ETF1: variants seen among roughly 807,000 people sequenced by gnomAD.
ETF1 encodes eukaryotic translation termination factor 1, also known as eukaryotic peptide chain release factor subunit 1.
In ETF1, 4 loss-of-function variants were observed where a neutral mutation model predicts 55.1. The observed-to-expected ratio is 0.07, with a 90% CI of 0.04 to 0.17. ETF1 has a LOEUF of 0.17. Among genes scored for constraint, ETF1 ranks in the 10% least tolerant of loss-of-function variants. ETF1 has a pLI of 1.00. For missense variants in ETF1, 142 were observed against 523.6 expected (o/e 0.27, Z 7.11); for synonymous variants, 157 against 182.3 (o/e 0.86, Z 1.12).
intron 2 of ETF1, among the ~76,000 whole-genome samples, chr5:138,535,409 C>T (rs1765878865): frequency 6.6e-6 from 1 of 150,838 alleles, no homozygotes; most frequent in African/African-American, 2.4e-5. Flanking sequence ...CGGCTCACTG[C>T]AACCTCCTTT....
rs1766187237 is a variant in ETF1, at chr5:138,541,772, G to A, written c.86+1061C>T. On this transcript the variant is annotated intron_variant, in intron 2 of 10. Transcript: ENST00000360541. ...GTTCCAAACACTTTTTTTTGGGGGG[G>A]GGGGCACTTCCTGTAAGTAAAAAGT... is the stretch of plus-strand genomic sequence containing the variant. The A allele has an allele frequency of 1.1e-5, 4 of 358,696 alleles. No individual in the cohort carries two copies. In the Admixed American group the frequency reaches 2.2e-4, roughly 20 times the overall value. 22.2% of individuals were successfully genotyped at this position (358,696 alleles called of 1,614,324 possible). A position where few individuals can be genotyped will look rare whatever the true frequency, so the allele number is the denominator to read the frequency against.
intron 6 of ETF1, among the ~76,000 whole-genome samples, chr5:138,512,175 G>T (rs1271937536): frequency 9.9e-6 from 1 of 100,952 alleles, no homozygotes; most frequent in Non-Finnish European, 1.8e-5. Context: ...TCCAGCCTAG[G>T]CAAGATAGCC....
chr5:138,530,254 A>G (rs1765642682), intron 2 of ETF1, among the ~76,000 whole-genome samples: 1 of 152,150 alleles, frequency 6.6e-6, no homozygotes, highest in South Asian at 2.1e-4. Flanking sequence ...ATTTTGGTTG[A>G]GACAGTCTCA....
At chr5:138,527,508 T>A (rs1328096783) in intron 2 of ETF1, among the ~76,000 whole-genome samples, 1 of 152,104 alleles carries the variant, frequency 6.6e-6, no homozygotes. Flanking sequence ...CCTTCTGGAG[T>A]TATGTCAAAC....
Position 138,543,234 on chromosome 5 carries a change from G to A in ETF1, c.-156C>T. 1 of 432,156 alleles carries A rather than the reference G, an allele frequency of 2.3e-6. No homozygotes were observed. The highest frequency in any genetic ancestry group is 4.1e-6 in the Non-Finnish European group (1 of 243,186). 26.8% of individuals were successfully genotyped at this position (432,156 alleles called of 1,614,324 possible). On this transcript the variant is annotated 5_prime_UTR_variant, in exon 1 of 11. Transcript: ENST00000360541. The stretch of plus-strand genomic sequence containing the variant: ...TGCAATCCGCTCACATGGGGCCTGT[G>A]ACATCACTTCCTCCGCCAGGGGCGG...
Position 138,508,166 on chromosome 5 carries a change from C to T in ETF1, c.*139G>A. 2 of 1,102,800 alleles carry T rather than the reference C, an allele frequency of 1.8e-6. No individual in the cohort carries two copies. Among genetic ancestry groups the T allele is most frequent in the Non-Finnish European group, 2.5e-6 (2 of 796,002 alleles). 68.3% of individuals were successfully genotyped at this position (1,102,800 alleles called of 1,614,324 possible). On this transcript the variant is annotated 3_prime_UTR_variant, in exon 11 of 11. Transcript: ENST00000360541. ...TCTGGTTTTGTTTCGGTTTTCTTTT[C>T]AATATCCAATGCTCATGGATTAAGT...
chr5:138,525,377 C>T (rs561182296), intron 2 of ETF1, among the ~76,000 whole-genome samples: 3 of 151,030 alleles, frequency 2.0e-5, no homozygotes, highest in African/African-American at 7.3e-5. Flanking sequence ...AGGCTGGTCT[C>T]GAACTCCTGA....
intron 2 of ETF1, among the ~76,000 whole-genome samples, chr5:138,538,612 G>T (rs1766047264): frequency 6.6e-6 from 1 of 151,772 alleles, no homozygotes; most frequent in Non-Finnish European, 1.5e-5. Flanking sequence ...TCAGGTATTT[G>T]TATCAAAGAC....
chr5:138,527,295 T>C (rs1765514203), intron 2 of ETF1, among the ~76,000 whole-genome samples: 1 of 152,164 alleles, frequency 6.6e-6, no homozygotes, highest in African/African-American at 2.4e-5. Context: ...TTCTGTGCTA[T>C]TTTCCCCAAT....
intron 2 of ETF1, among the ~76,000 whole-genome samples, chr5:138,536,843 A>G (rs566144974): frequency 6.6e-6 from 1 of 152,320 alleles, no homozygotes; most frequent in South Asian, 2.1e-4. Context: ...TCTCAAGTTC[A>G]AAGAAAACGA....
chr5:138,540,119 C>T (rs979194404), intron 2 of ETF1, among the ~76,000 whole-genome samples: 1 of 152,136 alleles, frequency 6.6e-6, no homozygotes, highest in Admixed American at 6.5e-5. Flanking sequence ...CAAGAGATAA[C>T]CACATAGGAT....
At chr5:138,533,408 C>A (rs1300441982) in intron 2 of ETF1, among the ~76,000 whole-genome samples, 2 of 152,044 alleles carry the variant, frequency 1.3e-5, no homozygotes, top group Non-Finnish European at 2.9e-5. Flanking sequence ...AAAAATCTGG[C>A]CGGGCACAGT....
intron 2 of ETF1, among the ~76,000 whole-genome samples, chr5:138,534,281 T>C (rs966087851): frequency 4.6e-5 from 7 of 152,198 alleles, no homozygotes; most frequent in Non-Finnish European, 8.8e-5. Context: ...TGTACACTTT[T>C]TCTACAATGA....
At chr5:138,540,481 C>G (rs921979365) in intron 2 of ETF1, among the ~76,000 whole-genome samples, 2 of 152,138 alleles carry the variant, frequency 1.3e-5, no homozygotes, top group African/African-American at 4.8e-5. Context: ...CTATGAAAAT[C>G]TAGAGTCTGA....
chr5:138,514,262 T>C (rs1367981541), intron 4 of ETF1, among the ~76,000 whole-genome samples: 4 of 152,130 alleles, frequency 2.6e-5, no homozygotes, highest in Non-Finnish European at 5.9e-5. Context: ...TTTTATAATA[T>C]AGAGTTCTAA....
intron 2 of ETF1, among the ~76,000 whole-genome samples, chr5:138,542,483 C>T (rs1766221361): frequency 6.6e-6 from 1 of 150,970 alleles, no homozygotes; most frequent in Non-Finnish European, 1.5e-5. Context: ...AGGCCGAACA[C>T]TTTGCCACAA....
At chr5:138,525,708 G>C (rs1765439601) in intron 2 of ETF1, among the ~76,000 whole-genome samples, 1 of 151,988 alleles carries the variant, frequency 6.6e-6, no homozygotes, top group African/African-American at 2.4e-5. Context: ...CACTGTGGGA[G>C]GCCGAGGCGG....
At chr5:138,512,542 A>C (rs915067441) in intron 6 of ETF1, among the ~76,000 whole-genome samples, 1 of 152,106 alleles carries the variant, frequency 6.6e-6, no homozygotes, top group Admixed American at 6.6e-5. Context: ...CACAGGATCC[A>C]TAAGAAGCCC....
intron 5 of ETF1, 150 bp from the exon 6 acceptor site, chr5:138,513,104 C>T: frequency 1.4e-6 from 2 of 1,380,318 alleles, no homozygotes; most frequent in South Asian, 3.7e-5. Context: ...TAAACTGCTA[C>T]TTGTTTTCAG....
Sources: allele counts gnomAD v4.1 joint callset (sites outside exome capture counted in the v4.1 genomes callset), GRCh38; gene constraint gnomAD v4.1.1; transcripts MANE v1.5; gene names NCBI Gene and HGNC (gene_info 2026-07-23, HGNC 2026-07-21).